Variants in CRYBG1 observed in about 807,000 individuals in gnomAD.
CRYBG1 encodes crystallin beta-gamma domain containing 1, also known as beta/gamma crystallin domain-containing protein 1.
In CRYBG1, 139 loss-of-function variants were observed where a neutral mutation model predicts 189.2. The ratio of observed to expected loss-of-function variants is 0.73; its 90% CI spans 0.64 to 0.85. The LOEUF (loss-of-function observed/expected upper bound fraction) is 0.85, where lower values mean the gene tolerates loss of function less well. Ranked by LOEUF, CRYBG1 falls within the 40% of genes least tolerant of loss-of-function variation. The probability of loss-of-function intolerance (pLI) is 0.00; values close to 1 mark genes in which losing one functional copy is unlikely to be tolerated. For missense variants in CRYBG1, 2,611 were observed against 2,675.8 expected (o/e 0.98, Z 0.53); for synonymous variants, 1,023 against 1,017.1 (o/e 1.01, Z -0.11).
At chr6:106,476,493 A>T (rs1461227816) in intron 2 of CRYBG1, among the ~76,000 whole-genome samples, 1 of 152,190 alleles carries the variant, frequency 6.6e-6, no homozygotes, top group South Asian at 2.1e-4. Flanking sequence ...ATACACTTTG[A>T]CTCATACTCT....
intron 2 of CRYBG1, among the ~76,000 whole-genome samples, chr6:106,467,206 T>C (rs1405063498): frequency 6.6e-6 from 1 of 152,320 alleles, no homozygotes; most frequent in Middle Eastern, 3.4e-3. Flanking sequence ...CTTATGTCTA[T>C]AATCCCAGCA....
chr6:106,530,292 T>C lies in CRYBG1; in HGVS notation c.4695T>C (p.Cys1565=), dbSNP rs1483470412. 1 of 1,609,202 alleles carries C rather than the reference T, an allele frequency of 6.2e-7. No homozygotes were observed. The highest frequency in any genetic ancestry group is 1.3e-5 in the African/African-American group (1 of 74,662). Residue 1565 remains cysteine, a synonymous_variant, in exon 8 of 22, where the codon TGT becomes TGC. Transcript: ENST00000633556. ...GATTTGGTGTAATGCAGAAGACTTG[T>C]TCCATGAAAGTACATTGGGGCACGT... The part of the protein sequence containing the change: ...MQGFGVMQKT[C]SMKVHWGTWL...
chr6:106,488,403 G>A (rs181893186), intron 2 of CRYBG1, among the ~76,000 whole-genome samples: 308 of 152,316 alleles, frequency 2.0e-3, no homozygotes, highest in Non-Finnish European at 3.6e-3. Context: ...GTGGTGCAGG[G>A]CCATCTCCAA....
At chr6:106,421,048 G>A (rs1171185981) in intron 1 of CRYBG1, among the ~76,000 whole-genome samples, 1 of 152,106 alleles carries the variant, frequency 6.6e-6, no homozygotes, top group East Asian at 1.9e-4. Context: ...ATTCCTGAGG[G>A]TATGGGTCTG....
intron 2 of CRYBG1, among the ~76,000 whole-genome samples, chr6:106,473,971 A>G (rs144603781): frequency 6.6e-5 from 10 of 152,348 alleles, no homozygotes; most frequent in African/African-American, 2.4e-4. Flanking sequence ...TAAGAAGAAC[A>G]CTACTTGCTT....
chr6:106,531,831 C>T (rs1773881367), intron 8 of CRYBG1, among the ~76,000 whole-genome samples: 1 of 152,096 alleles, frequency 6.6e-6, no homozygotes, highest in African/African-American at 2.4e-5. Flanking sequence ...GGCAGCCCGT[C>T]TCAGAAAACA....
chr6:106,492,021 C>A (rs1048688052), intron 2 of CRYBG1, among the ~76,000 whole-genome samples: 1 of 152,182 alleles, frequency 6.6e-6, no homozygotes, highest in Non-Finnish European at 1.5e-5. Flanking sequence ...AATGCCTTTT[C>A]TTGGCCCTCA....
At chr6:106,541,065 T>C (rs1007818484) in intron 9 of CRYBG1, 1 of 312,974 alleles carries the variant, frequency 3.2e-6, no homozygotes, top group South Asian at 2.7e-5. Context: ...CTTCAACACA[T>C]AATAGTTTCG....
chr6:106,564,036 T>G, intron 21 of CRYBG1, 110 bp downstream of exon 21: 1 of 1,168,708 alleles, frequency 8.6e-7, no homozygotes, highest in Non-Finnish European at 1.2e-6. Context: ...GTAGTAACAG[T>G]AAGAGAGCCC....
Position 106,419,223 on chromosome 6 carries a change from C to T in CRYBG1, c.174-32471C>T, listed in dbSNP as rs181032101. On this transcript the variant is annotated intron_variant, in intron 1 of 21. Coordinates refer to ENST00000633556, the MANE Select transcript of CRYBG1 (RefSeq NM_001371242.2). ...GTCTGCAGCTCAATTTTACAGGCTG[C>T]TCTTTGTTAGAAAAGAAATGATTTG... 4.3e-3 allele frequency among the ~76,000 whole-genome samples: 648 copies of T among 152,298 alleles called. 3 individuals are homozygous for T. The highest frequency in any genetic ancestry group is 0.015 in the African/African-American group (622 of 41,558).
At chr6:106,541,687 T>C (rs1774134897) in intron 10 of CRYBG1, 66 bp downstream of exon 10, 8 of 1,082,158 alleles carry the variant, frequency 7.4e-6, no homozygotes, top group Non-Finnish European at 9.5e-6. Flanking sequence ...CACATATATA[T>C]GTACTTAATG....
At chr6:106,539,672 T>C (rs908432190) in intron 9 of CRYBG1, 143 bp downstream of exon 9, 2 of 835,422 alleles carry the variant, frequency 2.4e-6, no homozygotes, top group East Asian at 2.9e-5. Flanking sequence ...ATAGAAATCA[T>C]GGAAAGAATA....
Position 106,553,520 on chromosome 6 carries a change from A to G in CRYBG1, c.5538A>G (p.Gln1846=). The G allele has an allele frequency of 6.2e-7, 1 of 1,614,090 alleles. No homozygotes were observed. Among genetic ancestry groups the G allele is most frequent in the Non-Finnish European group, 8.5e-7 (1 of 1,179,928 alleles). The part of the protein sequence containing the change: ...HSQSFEETTS[Q]IDDSFSTKSC... ...AAAGTTTTGAAGAAACAACAAGTCA[A>G]ATTGATGATTCATTTTCTACCAAGT... is the stretch of plus-strand genomic sequence containing the variant. The change falls in exon 16 of 22, where the codon CAA becomes CAG. Residue 1846 remains glutamine, a synonymous_variant. Transcript: ENST00000633556.
In CRYBG1 at chr6:106,512,191, G is replaced by A; in HGVS notation, c.1074G>A (p.Ala358=). 1.3e-6 allele frequency: 2 copies of A among 1,535,560 alleles called. No homozygotes were observed. Among genetic ancestry groups the A allele is most frequent in the Non-Finnish European group, 1.7e-6 (2 of 1,146,456 alleles). The change falls in exon 3 of 22, where the codon GCG becomes GCA. Residue 358 remains alanine (A), a synonymous_variant. Transcript: ENST00000633556. ...GCGCAGCGCACACGGCCAGCTCCGC[G>A]CAGGCAGACTGCACAGCCCGCCCCA... ...AEGAAHTASS[A]QADCTARPKG...
chr6:106,415,534 G>A (rs958818092), intron 1 of CRYBG1, among the ~76,000 whole-genome samples: 1 of 151,506 alleles, frequency 6.6e-6, no homozygotes, highest in African/African-American at 2.4e-5. Flanking sequence ...GACAAGCCTG[G>A]GTAACGTGGA....
chr6:106,415,631 T>C (rs990162484), intron 1 of CRYBG1, among the ~76,000 whole-genome samples: 1 of 151,792 alleles, frequency 6.6e-6, no homozygotes, highest in African/African-American at 2.4e-5. Context: ...GATACTGAGA[T>C]GGGAGGATTG....
intron 6 of CRYBG1, 118 bp downstream of exon 6, chr6:106,525,504 ATAC>A: frequency 2.6e-6 from 2 of 776,432 alleles, no homozygotes; most frequent in Admixed American, 2.0e-5. Flanking sequence ...AGCACAGGAA[ATAC>A]TACTCGTGGT....
chr6:106,405,225 T>C (rs1258546379), intron 1 of CRYBG1, among the ~76,000 whole-genome samples: 3 of 152,184 alleles, frequency 2.0e-5, no homozygotes, highest in African/African-American at 7.2e-5. Context: ...TGCTGAGGCA[T>C]GAGTAGGCAG....
chr6:106,382,588 T>C (rs188962829), intron 1 of CRYBG1, among the ~76,000 whole-genome samples: 3 of 152,280 alleles, frequency 2.0e-5, no homozygotes, highest in Admixed American at 2.0e-4. Context: ...ATACCAGCAC[T>C]TTGGAAGGCC....
Sources: allele counts gnomAD v4.1 joint callset (sites outside exome capture counted in the v4.1 genomes callset), GRCh38; gene constraint gnomAD v4.1.1; transcripts MANE v1.5; gene names NCBI Gene and HGNC (gene_info 2026-07-23, HGNC 2026-07-21).